The following PTPRM variants were observed in gnomAD, a reference collection of about 807,000 sequenced individuals.
The protein encoded by PTPRM is receptor-type tyrosine-protein phosphatase mu.
PTPRM carries 47 observed loss-of-function variants against 186.7 expected under a neutral mutation model. The ratio of observed to expected loss-of-function variants is 0.25; its 90% CI spans 0.20 to 0.32. The LOEUF is 0.32. PTPRM is among the 10% of genes least tolerant of loss of function. PTPRM has a pLI of 1.00. For missense variants in PTPRM, 1,494 were observed against 1,865.0 expected (o/e 0.80, Z 3.66); for synonymous variants, 668 against 674.9 (o/e 0.99, Z 0.16).
In PTPRM at chr18:8,398,755, G is replaced by A. The variant is rs565173323; in HGVS notation, c.4344+4144G>A. Among the ~76,000 whole-genome samples the A allele has an allele frequency of 3.4e-5, 5 of 146,572 alleles. No homozygotes were observed. The South Asian group carries it at 8.6e-4, about 25-fold the overall frequency. ...ACTGCACTCTAGCCTAGGTAACAGA[G>A]TGAGACTCCTTCTCAAAAAAAAAAA... On this transcript the variant is annotated intron_variant, in intron 32 of 32. Coordinates refer to ENST00000580170, the MANE Select transcript of PTPRM (RefSeq NM_001105244.2).
chr18:8,172,697 GAA>G (rs5822993), intron 14 of PTPRM, among the ~76,000 whole-genome samples: 54 of 132,814 alleles, frequency 4.1e-4, no homozygotes, highest in African/African-American at 1.1e-3. Context: ...GTAAACACAA[GAA>G]AAAAAAAAAA....
chr18:7,925,997 C>T (rs973777875), intron 4 of PTPRM, among the ~76,000 whole-genome samples: 5 of 152,218 alleles, frequency 3.3e-5, no homozygotes, highest in African/African-American at 1.2e-4. Flanking sequence ...CATTGCCATG[C>T]TATGGCAGTC....
rs2094010876 is a variant in PTPRM at position 8,211,881 on chromosome 18, G to GCT, written c.2301-32175_2301-32174dup. 3.3e-5 allele frequency among the ~76,000 whole-genome samples: 5 copies of GCT among 152,264 alleles called. No individual in the cohort carries two copies. In the South Asian group the frequency reaches 1.0e-3, roughly 32 times the overall value. ...GCACAACTCCCAGGCAGCATGGAGG[G>GCT]CTCGCTGGAGGCTGTGGCCATGCAC... On this transcript the variant is annotated intron_variant, in intron 14 of 32. Transcript: ENST00000580170.
intron 7 of PTPRM, chr18:7,995,680 T>G (rs555156259): frequency 6.6e-6 from 1 of 152,320 alleles, no homozygotes; most frequent in South Asian, 2.1e-4. Flanking sequence ...CTCCTGAGCA[T>G]GAAGCTGACT....
At chr18:8,229,935 A>G (rs963896766) in intron 14 of PTPRM, among the ~76,000 whole-genome samples, 2 of 152,230 alleles carry the variant, frequency 1.3e-5, no homozygotes, top group Non-Finnish European at 2.9e-5. Context: ...TCATTTGCAG[A>G]CACCTTTCCT....
chr18:7,691,685 C>T (rs543687839), intron 1 of PTPRM, among the ~76,000 whole-genome samples: 3 of 152,128 alleles, frequency 2.0e-5, no homozygotes, highest in East Asian at 1.9e-4. Context: ...GAGGTTGAGG[C>T]GGGAGGTTCT....
intron 10 of PTPRM, among the ~76,000 whole-genome samples, chr18:8,088,336 A>C (rs1478033570): frequency 1.3e-5 from 2 of 152,214 alleles, no homozygotes; most frequent in Non-Finnish European, 2.9e-5. Context: ...ATAACTATAA[A>C]GTCCAATGAT....
chr18:7,712,049 CT>C (rs2040225024), intron 1 of PTPRM, among the ~76,000 whole-genome samples: 1 of 152,200 alleles, frequency 6.6e-6, no homozygotes, highest in Non-Finnish European at 1.5e-5. Context: ...CTCCTGACCC[CT>C]GTATCTCCTG....
intron 3 of PTPRM, among the ~76,000 whole-genome samples, chr18:7,895,953 A>G (rs923805190): frequency 6.6e-6 from 1 of 152,226 alleles, no homozygotes; most frequent in Non-Finnish European, 1.5e-5. Context: ...AGTTTTTACT[A>G]TTTATGGTAG....
At chr18:8,383,002 G>A (rs1483477019) in intron 29 of PTPRM, among the ~76,000 whole-genome samples, 1 of 152,106 alleles carries the variant, frequency 6.6e-6, no homozygotes, top group African/African-American at 2.4e-5. Context: ...AAATCAGAAA[G>A]ATAAAAGTTA....
At chr18:7,985,888 AG>A (rs2082938829) in intron 7 of PTPRM, among the ~76,000 whole-genome samples, 1 of 152,088 alleles carries the variant, frequency 6.6e-6, no homozygotes, top group South Asian at 2.1e-4. Flanking sequence ...AGTAGTGTCC[AG>A]GGGATAGGTG....
chr18:7,784,870 C>T (rs542023339), intron 2 of PTPRM, among the ~76,000 whole-genome samples: 15 of 152,286 alleles, frequency 9.8e-5, no homozygotes, highest in Admixed American at 5.9e-4. Context: ...CTGGGGGAAG[C>T]TCCATTTGTC....
At chr18:8,047,822 G>C (rs534853826) in intron 7 of PTPRM, among the ~76,000 whole-genome samples, 1 of 152,292 alleles carries the variant, frequency 6.6e-6, no homozygotes, top group South Asian at 2.1e-4. Flanking sequence ...GAAGATCAAG[G>C]ATGTCTGGAA....
chr18:8,313,707 G>A (rs1462631578), intron 20 of PTPRM, among the ~76,000 whole-genome samples: 4 of 151,910 alleles, frequency 2.6e-5, no homozygotes, highest in South Asian at 2.1e-4. Flanking sequence ...CAGTGTACAC[G>A]GTACCCAGTG....
At chr18:8,353,136 A>C (rs1161845910) in intron 23 of PTPRM, among the ~76,000 whole-genome samples, 1 of 152,178 alleles carries the variant, frequency 6.6e-6, no homozygotes, top group Non-Finnish European at 1.5e-5. Context: ...AAGGGAAAGC[A>C]CAGGAAGGGG....
chr18:8,231,662 A>G (rs1254883713), intron 14 of PTPRM, among the ~76,000 whole-genome samples: 1 of 152,154 alleles, frequency 6.6e-6, no homozygotes, highest in Admixed American at 6.5e-5. Flanking sequence ...CCATTCCTTT[A>G]ATTTGAATTC....
chr18:8,306,136 A>G (rs1330904754), intron 20 of PTPRM, among the ~76,000 whole-genome samples: 1 of 152,098 alleles, frequency 6.6e-6, no homozygotes, highest in Non-Finnish European at 1.5e-5. Flanking sequence ...ACCTGAGGTG[A>G]TCCGCCCACC....
intron 2 of PTPRM, among the ~76,000 whole-genome samples, chr18:7,778,019 A>G (rs2042675301): frequency 6.6e-6 from 1 of 152,250 alleles, no homozygotes; most frequent in Non-Finnish European, 1.5e-5. Flanking sequence ...AGATGAATTT[A>G]AAAGTTATGA....
At chr18:7,783,325 G>A (rs927784014) in intron 2 of PTPRM, among the ~76,000 whole-genome samples, 5 of 152,098 alleles carry the variant, frequency 3.3e-5, no homozygotes, top group African/African-American at 7.2e-5. Context: ...ACTCATGCTG[G>A]GCAGGGCCAA....
Sources: allele counts gnomAD v4.1 joint callset (sites outside exome capture counted in the v4.1 genomes callset), GRCh38; gene constraint gnomAD v4.1.1; transcripts MANE v1.5; gene names NCBI Gene and HGNC (gene_info 2026-07-23, HGNC 2026-07-21).